PSMA1: variants seen among roughly 807,000 people sequenced by gnomAD.
PSMA1 encodes proteasome 20S subunit alpha 1, also known as proteasome subunit alpha type-1.
Under a neutral mutation model 38.4 loss-of-function variants are expected in PSMA1, and 3 were observed. The ratio of observed to expected loss-of-function variants is 0.08; its 90% CI spans 0.04 to 0.20. PSMA1 has a LOEUF of 0.20. PSMA1 is among the 10% of genes least tolerant of loss of function. PSMA1 has a pLI of 1.00. For missense variants in PSMA1, 227 were observed against 325.3 expected (o/e 0.70, Z 2.32); for synonymous variants, 101 against 107.1 (o/e 0.94, Z 0.35).
intron 7 of PSMA1, among the ~76,000 whole-genome samples, chr11:14,511,669 G>A (rs2134144258): frequency 6.6e-6 from 1 of 152,174 alleles, no homozygotes; most frequent in African/African-American, 2.4e-5. Context: ...TCTGATAGAG[G>A]GCATCTACAA....
At chr11:14,520,524 C>T (rs1399264492), upstream of PSMA1, 1 of 1,403,562 alleles carries the variant, frequency 7.1e-7, no homozygotes, top group African/African-American at 1.4e-5. Context: ...GATCTAGGAA[C>T]TGAGACTGGC....
At chr11:14,526,006 G>A (rs1851582367) in intron 2 of PSMA1, among the ~76,000 whole-genome samples, 1 of 151,998 alleles carries the variant, frequency 6.6e-6, no homozygotes, top group Non-Finnish European at 1.5e-5. Context: ...AAAGGATATC[G>A]GGTATCCCCC....
chr11:14,560,179 G>A (rs751403739), intron 2 of PSMA1, among the ~76,000 whole-genome samples: 1 of 152,170 alleles, frequency 6.6e-6, no homozygotes, highest in East Asian at 1.9e-4. Flanking sequence ...CCAACCAGGG[G>A]ATCTGAGTGG....
intron 2 of PSMA1, among the ~76,000 whole-genome samples, chr11:14,562,424 A>G (rs1380087237): frequency 6.6e-6 from 1 of 152,196 alleles, no homozygotes; most frequent in Non-Finnish European, 1.5e-5. Flanking sequence ...TTTAGCCCAG[A>G]CCTCAATGGT....
chr11:14,621,716 T>C (rs901280292), intron 1 of PSMA1, among the ~76,000 whole-genome samples: 1 of 152,238 alleles, frequency 6.6e-6, no homozygotes, highest in African/African-American at 2.4e-5. Context: ...TGAGTTTTCC[T>C]TGGAAACCTC....
chr11:14,533,734 G>C lies in PSMA1; in HGVS notation c.22-14693C>G, dbSNP rs535791555. Among the ~76,000 whole-genome samples, 4 of 151,454 alleles carry C rather than the reference G, an allele frequency of 2.6e-5. No individual in the cohort carries two copies. The East Asian group carries it at 7.8e-4, about 30-fold the overall frequency. On this transcript the variant is annotated intron_variant, in intron 2 of 10. Transcript: ENST00000418988. Reference sequence around the variant, plus strand: ...AGCTTGGCCCAGACTTCTAACTTTTGAGGAATCCCTCTTTCACCTCCCTCT... The same window carrying C: ...AGCTTGGCCCAGACTTCTAACTTTTCAGGAATCCCTCTTTCACCTCCCTCT...
At chr11:14,606,769 AAG>A in intron 2 of PSMA1, among the ~76,000 whole-genome samples, 1 of 152,342 alleles carries the variant, frequency 6.6e-6, no homozygotes, top group South Asian at 2.1e-4. Flanking sequence ...GCTAGGTAAA[AAG>A]GGAATATAGT....
At chr11:14,635,288 T>A (rs1336089709) in intron 1 of PSMA1, among the ~76,000 whole-genome samples, 1 of 152,338 alleles carries the variant, frequency 6.6e-6, no homozygotes, top group East Asian at 1.9e-4. Context: ...TGATTACACA[T>A]CCCAAAATAC....
intron 2 of PSMA1, among the ~76,000 whole-genome samples, chr11:14,549,526 C>T (rs780522841): frequency 6.6e-6 from 1 of 151,844 alleles, no homozygotes; most frequent in African/African-American, 2.4e-5. Flanking sequence ...ACGTTGAAAC[C>T]CTGTCTCTAC....
intron 2 of PSMA1, among the ~76,000 whole-genome samples, chr11:14,605,579 G>A (rs936707163): frequency 2.6e-5 from 4 of 152,056 alleles, no homozygotes; most frequent in Non-Finnish European, 4.4e-5. Context: ...TAGAGACGGG[G>A]TCTCACTATG....
chr11:14,634,855 T>G (rs1469278392), intron 1 of PSMA1, among the ~76,000 whole-genome samples: 1 of 152,218 alleles, frequency 6.6e-6, no homozygotes, highest in East Asian at 1.9e-4. Flanking sequence ...AGAAACTTAC[T>G]GCACTGTGTA....
At chr11:14,598,936 A>C (rs1163871905) in intron 2 of PSMA1, among the ~76,000 whole-genome samples, 1 of 151,842 alleles carries the variant, frequency 6.6e-6, no homozygotes, top group Non-Finnish European at 1.5e-5. Context: ...AGGCAGGCTC[A>C]GTGGTGACAA....
intron 1 of PSMA1, among the ~76,000 whole-genome samples, chr11:14,631,660 C>G (rs370933085): frequency 2.9e-4 from 44 of 152,118 alleles, no homozygotes; most frequent in South Asian, 2.3e-3. Flanking sequence ...GGGGTGGAGA[C>G]TTCTGTAGAT....
chr11:14,507,285 C>T (rs1851259734), intron 9 of PSMA1, among the ~76,000 whole-genome samples: 1 of 151,972 alleles, frequency 6.6e-6, no homozygotes, highest in African/African-American at 2.4e-5. Flanking sequence ...TCTCCTGCCT[C>T]ACCTCCTGAG....
chr11:14,588,804 A>G (rs1268176355), intron 2 of PSMA1, among the ~76,000 whole-genome samples: 1 of 152,190 alleles, frequency 6.6e-6, no homozygotes, highest in Admixed American at 6.5e-5. Context: ...CTTCATCTGT[A>G]TGCTTCCCCT....
intron 2 of PSMA1, among the ~76,000 whole-genome samples, chr11:14,561,654 T>C (rs942688980): frequency 1.3e-5 from 2 of 152,148 alleles, no homozygotes; most frequent in African/African-American, 4.8e-5. Context: ...TGGACTGTCC[T>C]AGTCTCAGCT....
chr11:14,607,035 A>G (rs1183738127), intron 2 of PSMA1, among the ~76,000 whole-genome samples: 1 of 152,188 alleles, frequency 6.6e-6, no homozygotes, highest in Non-Finnish European at 1.5e-5. Context: ...CTCTCTGTGG[A>G]TATTATGTTA....
At chr11:14,515,278 T>C (rs1174522856) in intron 4 of PSMA1, among the ~76,000 whole-genome samples, 2 of 152,206 alleles carry the variant, frequency 1.3e-5, no homozygotes, top group African/African-American at 2.4e-5. Context: ...CATGTGGCTA[T>C]GGAGCTCTTG....
rs549305579 is a variant in PSMA1 at position 14,563,043 on chromosome 11, C to T, written c.22-44002G>A. Among the ~76,000 whole-genome samples, 245 of 152,068 alleles carry T rather than the reference C, an allele frequency of 1.6e-3. 1 individual carries two copies. Among genetic ancestry groups the T allele is most frequent in the Non-Finnish European group, 1.4e-3 (98 of 67,998 alleles). ...GATGGCTATGCATCCAGTCTGATTACCTTTATTGTGTCATTATGGTTTTAG... is the reference window on the plus strand; with the variant it reads ...GATGGCTATGCATCCAGTCTGATTATCTTTATTGTGTCATTATGGTTTTAG... On this transcript the variant is annotated intron_variant, in intron 2 of 10. Transcript: ENST00000418988.
Sources: allele counts gnomAD v4.1 joint callset (sites outside exome capture counted in the v4.1 genomes callset), GRCh38; gene constraint gnomAD v4.1.1; transcripts MANE v1.5; gene names NCBI Gene and HGNC (gene_info 2026-07-23, HGNC 2026-07-21).